TFDP2: variants seen among roughly 807,000 people sequenced by gnomAD.
TFDP2 encodes transcription factor Dp-2.
Under a neutral mutation model 59.3 loss-of-function variants are expected in TFDP2, and 17 were observed. The ratio of observed to expected loss-of-function variants is 0.29; its 90% CI spans 0.20 to 0.43. The LOEUF (loss-of-function observed/expected upper bound fraction) is 0.43, where lower values mean the gene tolerates loss of function less well. Among genes scored for constraint, TFDP2 ranks in the 20% least tolerant of loss-of-function variants. TFDP2 has a pLI of 1.00. For missense variants in TFDP2, 391 were observed against 528.8 expected (o/e 0.74, Z 2.56); for synonymous variants, 180 against 194.7 (o/e 0.92, Z 0.63).
At chr3:142,037,755 C>T (rs1418993758) in intron 3 of TFDP2, among the ~76,000 whole-genome samples, 2 of 152,056 alleles carry the variant, frequency 1.3e-5, no homozygotes, top group Non-Finnish European at 2.9e-5. Context: ...ATCATGGATG[C>T]CATTCTGAGC....
At chr3:141,971,218 T>C (rs2107999504) in intron 8 of TFDP2, among the ~76,000 whole-genome samples, 1 of 151,376 alleles carries the variant, frequency 6.6e-6, no homozygotes, top group South Asian at 2.1e-4. Context: ...CAAAAGCCAA[T>C]GACATTTATT....
chr3:142,083,752 G>A (rs1368449362), intron 3 of TFDP2, among the ~76,000 whole-genome samples: 3 of 151,828 alleles, frequency 2.0e-5, no homozygotes, highest in Admixed American at 6.6e-5. Context: ...ATACACTGGA[G>A]AACAGACAGT....
intron 7 of TFDP2, among the ~76,000 whole-genome samples, chr3:141,974,813 C>T (rs1442287879): frequency 2.0e-5 from 3 of 151,906 alleles, no homozygotes; most frequent in Non-Finnish European, 4.4e-5. Flanking sequence ...AAACTGTCTC[C>T]AATCTACAAT....
chr3:141,952,154 CT>C lies in TFDP2; in HGVS notation c.*358del, dbSNP rs1459852072. 5.8e-6 allele frequency: 1 copy of C among 171,958 alleles called. No homozygotes were observed. The allele number at this position is 171,958 out of a possible 1,614,324, so 10.7% of individuals were successfully genotyped here. Reference sequence around the variant, plus strand: ...GTCAAGGACTGCTCCGTGTAGCAATCTCAATTCTAAGAATAATTACATGGGT... The same window carrying C: ...GTCAAGGACTGCTCCGTGTAGCAATCCAATTCTAAGAATAATTACATGGGT... On this transcript the variant is annotated 3_prime_UTR_variant, in exon 13 of 13. Coordinates refer to ENST00000489671, the MANE Select transcript of TFDP2 (RefSeq NM_001178139.2).
chr3:142,102,289 A>C (rs950987274), intron 1 of TFDP2, among the ~76,000 whole-genome samples: 2 of 152,240 alleles, frequency 1.3e-5, no homozygotes, highest in African/African-American at 4.8e-5. Flanking sequence ...ACAACTGAAC[A>C]CCAAAGTACA....
intron 2 of TFDP2, among the ~76,000 whole-genome samples, chr3:142,095,142 C>T (rs1161235016): frequency 6.6e-6 from 1 of 152,108 alleles, no homozygotes; most frequent in Non-Finnish European, 1.5e-5. Flanking sequence ...AGGCGTCCAC[C>T]ACCACGCCCA....
chr3:142,079,716 A>C (rs1224893210), intron 3 of TFDP2, among the ~76,000 whole-genome samples: 1 of 152,208 alleles, frequency 6.6e-6, no homozygotes. Flanking sequence ...GAAACTTTAC[A>C]GTCCAGGAAG....
rs545381936 is a variant in TFDP2, at chr3:142,074,373, C to T, written c.82+18688G>A. 9.2e-5 allele frequency among the ~76,000 whole-genome samples: 14 copies of T among 151,490 alleles called. No individual in the cohort carries two copies. In the South Asian group the frequency reaches 2.9e-3, roughly 32 times the overall value. The stretch of plus-strand genomic sequence containing the variant: ...GAAGTGAGTTGAGATTATACCACTG[C>T]ACTCCAGCCTGGGCAACAGAGTGAG... On this transcript the variant is annotated intron_variant, in intron 3 of 12. Coordinates refer to ENST00000489671, the MANE Select transcript of TFDP2 (RefSeq NM_001178139.2).
chr3:142,063,455 A>T (rs749414280), intron 3 of TFDP2, among the ~76,000 whole-genome samples: 2 of 152,218 alleles, frequency 1.3e-5, no homozygotes, highest in Non-Finnish European at 2.9e-5. Context: ...TTTATTTAGT[A>T]ATTGCAAAAC....
intron 3 of TFDP2, among the ~76,000 whole-genome samples, chr3:142,061,861 A>T (rs1391504525): frequency 6.9e-6 from 1 of 145,192 alleles, no homozygotes; most frequent in African/African-American, 2.5e-5. Context: ...CAATCCCTAT[A>T]ATCAATCAAT....
intron 1 of TFDP2, among the ~76,000 whole-genome samples, chr3:142,117,668 T>C (rs916834046): frequency 2.0e-5 from 3 of 152,168 alleles, no homozygotes; most frequent in Non-Finnish European, 4.4e-5. Context: ...GAAGTGTGTC[T>C]TGTGTCTAGA....
intron 4 of TFDP2, among the ~76,000 whole-genome samples, chr3:141,995,525 C>T (rs1343202441): frequency 6.6e-6 from 1 of 152,184 alleles, no homozygotes; most frequent in Non-Finnish European, 1.5e-5. Flanking sequence ...CACAGTCCAT[C>T]ATACAGTATA....
At chr3:142,107,018 T>C (rs773568651) in intron 1 of TFDP2, among the ~76,000 whole-genome samples, 1 of 152,146 alleles carries the variant, frequency 6.6e-6, no homozygotes, top group Non-Finnish European at 1.5e-5. Context: ...AGGTAGCATA[T>C]TTAAATGGCA....
At chr3:142,037,749 T>A (rs1377703255) in intron 3 of TFDP2, among the ~76,000 whole-genome samples, 2 of 152,204 alleles carry the variant, frequency 1.3e-5, no homozygotes, top group Non-Finnish European at 2.9e-5. Context: ...AACATAATCA[T>A]GGATGCCATT....
At chr3:142,052,622 G>T (rs1249066302) in intron 3 of TFDP2, among the ~76,000 whole-genome samples, 1 of 151,956 alleles carries the variant, frequency 6.6e-6, no homozygotes, top group Non-Finnish European at 1.5e-5. Context: ...CTGAGATGGG[G>T]TTTCACTATG....
chr3:141,971,860 A>G (rs1053990816), intron 8 of TFDP2, among the ~76,000 whole-genome samples: 14 of 152,208 alleles, frequency 9.2e-5, no homozygotes, highest in African/African-American at 3.1e-4. Flanking sequence ...TCTTTAAAAC[A>G]CTGAAGAATG....
intron 10 of TFDP2, among the ~76,000 whole-genome samples, chr3:141,962,257 TA>T (rs1490885584): frequency 5.3e-5 from 8 of 151,774 alleles, no homozygotes; most frequent in African/African-American, 1.9e-4. Context: ...AATCCACTCT[TA>T]AAAAAAAATT....
At chr3:141,973,125 T>TATATATATATATA (rs1559951924) in intron 8 of TFDP2, among the ~76,000 whole-genome samples, 12 of 69,962 alleles carry the variant, frequency 1.7e-4, no homozygotes, top group African/African-American at 5.9e-4. Flanking sequence ...ATATATATAT[T>TATATATATATATA]TTTTTTTTTT....
chr3:142,095,837 AAAG>A (rs1487392502), intron 2 of TFDP2, among the ~76,000 whole-genome samples: 2 of 152,234 alleles, frequency 1.3e-5, no homozygotes, highest in Admixed American at 1.3e-4. Context: ...AAAAGAAAGC[AAAG>A]AAGGCAAAGA....
Sources: allele counts gnomAD v4.1 joint callset (sites outside exome capture counted in the v4.1 genomes callset), GRCh38; gene constraint gnomAD v4.1.1; transcripts MANE v1.5; gene names NCBI Gene and HGNC (gene_info 2026-07-23, HGNC 2026-07-21).